DYNC2I1: variants seen among roughly 807,000 people sequenced by gnomAD.
DYNC2I1 encodes the protein cytoplasmic dynein 2 intermediate chain 1.
Under a neutral mutation model 133.4 loss-of-function variants are expected in DYNC2I1, and 89 were observed. That is an observed-to-expected ratio of 0.67 (90% CI 0.56 to 0.80). The LOEUF (loss-of-function observed/expected upper bound fraction) is 0.80. Ranked by LOEUF, DYNC2I1 falls within the 30% of genes least tolerant of loss-of-function variation. DYNC2I1 has a pLI of 0.00. For synonymous variants in DYNC2I1, 504 were observed against 484.3 expected (o/e 1.04, Z -0.54); for missense variants, 1,291 against 1,314.5 (o/e 0.98, Z 0.28).
chr7:158,897,910 T>C lies in DYNC2I1; in HGVS notation c.1060-3829T>C, dbSNP rs543885382. ...GTAAATTGCCCTCTAAGCACTGCTT[T>C]TGTTTGCATTCCACAAATTCTGATA... is the stretch of plus-strand genomic sequence containing the variant. On this transcript the variant is annotated intron_variant, in intron 8 of 24. Coordinates refer to ENST00000407559, the MANE Select transcript of DYNC2I1 (RefSeq NM_018051.5). Among the ~76,000 whole-genome samples the C allele has an allele frequency of 7.9e-5, 12 of 152,352 alleles. No homozygotes were observed. In the South Asian group the frequency reaches 1.4e-3, roughly 18 times the overall value.
Position 158,911,561 on chromosome 7 carries a change from C to A in DYNC2I1, c.1472C>A (p.Thr491Lys), listed in dbSNP as rs1847480260. The change falls in exon 12 of 25, where the codon ACA becomes AAA. Residue 491 changes from threonine (T) to lysine (K), a missense_variant. By Grantham distance (78) the Thr-to-Lys change is moderately conservative. Transcript: ENST00000407559. ...AATTTATTTCAAAGGATGCGAAGTA[C>A]AAAACTGCTTCGGCTCATTGACTTA... Reference protein sequence around the residue: ...TQALKQKMRSTKLLRLIDLDF... With the variant: ...TQALKQKMRSKKLLRLIDLDF... 2.5e-6 allele frequency: 4 copies of A among 1,613,036 alleles called. No individual in the cohort carries two copies. Among genetic ancestry groups the A allele is most frequent in the African/African-American group, 1.3e-5 (1 of 74,998 alleles).
chr7:158,916,714 G>A (rs1329134127), intron 14 of DYNC2I1, among the ~76,000 whole-genome samples: 1 of 63,414 alleles, frequency 1.6e-5, no homozygotes, highest in Non-Finnish European at 3.5e-5. Flanking sequence ...ACGTCTGCAC[G>A]CTGGTTGACA....
chr7:158,899,684 A>T (rs1846060159), intron 8 of DYNC2I1, among the ~76,000 whole-genome samples: 1 of 152,156 alleles, frequency 6.6e-6, no homozygotes, highest in South Asian at 2.1e-4. Flanking sequence ...AATACATCTC[A>T]TGAGATCTGA....
At chr7:158,858,062 A>G (rs1841476940) in intron 1 of DYNC2I1, among the ~76,000 whole-genome samples, 1 of 152,006 alleles carries the variant, frequency 6.6e-6, no homozygotes, top group Admixed American at 6.6e-5. Flanking sequence ...AAGTGCTGGG[A>G]TTACAGGCGT....
intron 2 of DYNC2I1, among the ~76,000 whole-genome samples, chr7:158,870,316 C>A (rs1184122944): frequency 6.6e-6 from 1 of 152,144 alleles, no homozygotes; most frequent in Non-Finnish European, 1.5e-5. Flanking sequence ...TCTCTTTTAA[C>A]ACATGTAGTA....
At chr7:158,915,006 G>C (rs1429941569) in intron 14 of DYNC2I1, among the ~76,000 whole-genome samples, 5 of 152,242 alleles carry the variant, frequency 3.3e-5, no homozygotes, top group Non-Finnish European at 7.3e-5. Context: ...CTCAGCACTT[G>C]AGTCTACTGC....
At chr7:158,950,972 G>A (rs116585260), downstream of DYNC2I1, among the ~76,000 whole-genome samples, 29 of 151,228 alleles carry the variant, frequency 1.9e-4, no homozygotes, top group South Asian at 2.3e-3. Flanking sequence ...TGTGAGCACC[G>A]TGCCTGGCCT....
rs10254801 is a variant in DYNC2I1 at position 158,891,907 on chromosome 7, C to G, written c.1059+574C>G. ...GAAGGACGTAGCGCGGAGCTTGATGCAGAGCACGGCCTCGTGTGAGGGAAG... is the reference window on the plus strand; with the variant it reads ...GAAGGACGTAGCGCGGAGCTTGATGGAGAGCACGGCCTCGTGTGAGGGAAG... On this transcript the variant is annotated intron_variant, in intron 8 of 24. Transcript: ENST00000407559. Among the ~76,000 whole-genome samples, 7 of 110,508 alleles carry G rather than the reference C, an allele frequency of 6.3e-5. No homozygotes were observed. The South Asian group carries it at 2.2e-3, about 35-fold the overall frequency. 72.5% of individuals were successfully genotyped at this position (110,508 alleles called of 152,430 possible). A position where few individuals can be genotyped will look rare whatever the true frequency, so the allele number is the denominator to read the frequency against.
chr7:158,895,544 T>C (rs1845683748), intron 8 of DYNC2I1, among the ~76,000 whole-genome samples: 1 of 152,230 alleles, frequency 6.6e-6, no homozygotes, highest in Non-Finnish European at 1.5e-5. Context: ...TTGCTATAGC[T>C]TTGTAGTGGG....
intron 3 of DYNC2I1, among the ~76,000 whole-genome samples, chr7:158,875,248 C>T (rs1391995096): frequency 1.3e-5 from 2 of 151,988 alleles, no homozygotes; most frequent in African/African-American, 2.4e-5. Flanking sequence ...GCGCACGCCA[C>T]GACGCCCGGC....
chr7:158,906,403 T>G (rs984045421), intron 11 of DYNC2I1, among the ~76,000 whole-genome samples: 4 of 152,120 alleles, frequency 2.6e-5, no homozygotes, highest in Admixed American at 6.5e-5. Flanking sequence ...AAGTCAAGGG[T>G]CTATTATACT....
At chr7:158,918,318 T>A (rs905196272) in intron 14 of DYNC2I1, among the ~76,000 whole-genome samples, 2 of 152,108 alleles carry the variant, frequency 1.3e-5, no homozygotes, top group East Asian at 3.8e-4. Context: ...TTCTGCCCTG[T>A]CAAATCCTAA....
intron 8 of DYNC2I1, among the ~76,000 whole-genome samples, chr7:158,898,926 C>A (rs774229922): frequency 2.6e-5 from 4 of 151,562 alleles, no homozygotes; most frequent in Non-Finnish European, 5.9e-5. Flanking sequence ...CAATACAAGT[C>A]CACTTTTGAA....
the DYNC2I1 span, among the ~76,000 whole-genome samples, chr7:158,850,316 G>A: frequency 6.6e-6 from 1 of 152,210 alleles, no homozygotes; most frequent in African/African-American, 2.4e-5. Context: ...ACGTCCAGCT[G>A]CTGCAGCTGC....
downstream of DYNC2I1, among the ~76,000 whole-genome samples, chr7:158,948,448 G>A (rs183559119): frequency 5.3e-5 from 8 of 152,314 alleles, no homozygotes; most frequent in East Asian, 1.9e-4. Context: ...TAAAACGTTC[G>A]TTACCTCACG....
chr7:158,926,149 C>A, intron 17 of DYNC2I1, 38 bp from the exon 18 acceptor site: 1 of 1,499,624 alleles, frequency 6.7e-7, no homozygotes, highest in Non-Finnish European at 9.2e-7. Context: ...CTTCAACTTA[C>A]TACTTACACG....
At chr7:158,958,149 G>T (rs548311536), downstream of DYNC2I1, among the ~76,000 whole-genome samples, 1 of 151,096 alleles carries the variant, frequency 6.6e-6, no homozygotes, top group South Asian at 2.1e-4. Flanking sequence ...GCCCCAGGTC[G>T]TGGAGAGGGT....
At chr7:158,922,241 A>G (rs1849171955) in intron 15 of DYNC2I1, 136 bp from the exon 16 acceptor site, 2 of 772,946 alleles carry the variant, frequency 2.6e-6, no homozygotes, top group South Asian at 1.8e-5. Flanking sequence ...CCTACGTTTC[A>G]TGTATGTTGG....
At chr7:158,873,284 CT>C (rs1271623465) in intron 3 of DYNC2I1, among the ~76,000 whole-genome samples, 2 of 152,126 alleles carry the variant, frequency 1.3e-5, no homozygotes, top group Non-Finnish European at 2.9e-5. Flanking sequence ...CAGAAGGAAT[CT>C]GTTAGAAGAA....
Sources: gnomAD v4.1 joint callset for allele counts (sites outside exome capture counted in the v4.1 genomes callset) on GRCh38, gnomAD v4.1.1 for gene constraint, MANE v1.5 for transcripts, NCBI Gene and HGNC (gene_info 2026-07-23, HGNC 2026-07-21) for gene names.